TPR: variants seen among roughly 807,000 people sequenced by gnomAD.
The protein encoded by TPR is translocated promoter region, nuclear basket protein.
TPR carries 51 observed loss-of-function variants against 316.1 expected under a neutral mutation model. The observed-to-expected ratio is 0.16, with a 90% confidence interval of 0.13 to 0.20. The LOEUF is 0.20. TPR is among the 10% of genes least tolerant of loss of function. TPR has a pLI of 1.00. For missense variants in TPR, 2,272 were observed against 2,754.8 expected, an observed-to-expected ratio of 0.82 and a Z score of 3.92; for synonymous variants, 981 against 914.7, an observed-to-expected ratio of 1.07 and a Z score of -1.31.
intron 27 of TPR, 34 bp from the exon 28 acceptor site, chr1:186,341,423 C>G (rs757968568): frequency 6.3e-7 from 1 of 1,596,972 alleles, no homozygotes; most frequent in Non-Finnish European, 8.5e-7. Flanking sequence ...ATACCAACAT[C>G]TAACAATAGT....
At position 186,374,825 on chromosome 1, in the gene TPR, C is replaced by A. The variant is rs1005701478; in HGVS notation, c.151+53G>T. 7 of 1,549,510 alleles carry A rather than the reference C, an allele frequency of 4.5e-6. No individual in the cohort carries two copies. The African/African-American group carries it at 9.5e-5, about 21-fold the overall frequency. On this transcript the variant is annotated intron_variant, in intron 1 of 50. Coordinates refer to ENST00000367478, the MANE Select transcript of TPR (RefSeq NM_003292.3). ...CAACTTGATGGGGGAAGACCAGACCCAAAGGGCGGGAGTCGAGCCCAAAAC... is the reference window on the plus strand; with the variant it reads ...CAACTTGATGGGGGAAGACCAGACCAAAAGGGCGGGAGTCGAGCCCAAAAC...
chr1:186,351,494 G>A (rs1658860516), intron 19 of TPR, 24 bp from the exon 20 acceptor site: 1 of 1,525,518 alleles, frequency 6.6e-7, no homozygotes. Context: ...AAGATTTTTG[G>A]TTATGCTTAA....
intron 19 of TPR, 147 bp from the exon 20 acceptor site, chr1:186,351,617 G>T: frequency 5.9e-6 from 5 of 845,568 alleles, no homozygotes; most frequent in South Asian, 2.9e-5. Flanking sequence ...AAAGTATTCT[G>T]GTATTTTTTA....
rs1191323001 is a variant in TPR at position 186,358,664 on chromosome 1, A to G, written c.1390-14T>C. ...TCGCTGAATCTCCTTTAAAATGTAA[A>G]TTCAAGTGAAAATTTTGTACTTCCT... is the stretch of plus-strand genomic sequence containing the variant. On this transcript the variant is annotated splice_polypyrimidine_tract_variant and intron_variant, in intron 12 of 50. Coordinates refer to ENST00000367478, the MANE Select transcript of TPR (RefSeq NM_003292.3). 1 of 1,607,254 alleles carries G rather than the reference A, an allele frequency of 6.2e-7. No individual in the cohort carries two copies.
At chr1:186,353,574 C>A (rs1005405666) in intron 18 of TPR, 114 bp downstream of exon 18, 2 of 1,186,046 alleles carry the variant, frequency 1.7e-6, no homozygotes, top group Non-Finnish European at 2.4e-6. Context: ...CTTGGTGTAA[C>A]CTCCAAACTT....
chr1:186,373,325 C>T lies in TPR; in HGVS notation c.256+34G>A, dbSNP rs750080944. 5.5e-5 allele frequency: 84 copies of T among 1,515,362 alleles called. No homozygotes were observed. The East Asian group carries it at 1.7e-3, about 31-fold the overall frequency. 93.9% of individuals were successfully genotyped at this position (1,515,362 alleles called of 1,614,324 possible). On this transcript the variant is annotated intron_variant, in intron 2 of 50. Transcript: ENST00000367478. ...GGAGTCTCTGAAGATTTCGATACTC[C>T]GAGAATACTTACAAAGATGAATTAA...
intron 50 of TPR, 190 bp downstream of exon 50, chr1:186,314,439 A>G (rs749732278): frequency 2.5e-6 from 1 of 400,218 alleles, no homozygotes; most frequent in Non-Finnish European, 4.4e-6. Flanking sequence ...TATTTATTAT[A>G]TATCTAAGGT....
chr1:186,361,047 G>A (rs1659170722), intron 9 of TPR, 142 bp from the exon 10 acceptor site: 1 of 873,640 alleles, frequency 1.1e-6, no homozygotes, highest in Admixed American at 3.2e-5. Context: ...TCTATTGAAA[G>A]TTCTTGCTCT....
At position 186,318,425 on chromosome 1, in the gene TPR, AAAC is replaced by A; in HGVS notation, c.6821+19_6821+21del. The A allele has an allele frequency of 6.3e-7, 1 of 1,599,118 alleles. No individual in the cohort carries two copies. The highest frequency in any genetic ancestry group is 8.5e-7 in the Non-Finnish European group (1 of 1,174,246). Reference sequence around the variant, plus strand: ...AGTCTGTTGAGACTAAAGCAAGCAAAAACAACAAAATAAACTTTTACCCTTCAG... The same window carrying A: ...AGTCTGTTGAGACTAAAGCAAGCAAAAACAAAATAAACTTTTACCCTTCAG... On this transcript the variant is annotated intron_variant, in intron 48 of 50. Transcript: ENST00000367478.
chr1:186,344,173 G>A (rs544732417), intron 25 of TPR, 83 bp from the exon 26 acceptor site: 35 of 1,481,284 alleles, frequency 2.4e-5, no homozygotes, highest in African/African-American at 9.9e-5. Context: ...GGTGGCTAAC[G>A]CCTGTAATCC....
intron 18 of TPR, 49 bp downstream of exon 18, chr1:186,353,639 T>C: frequency 6.3e-7 from 1 of 1,576,744 alleles, no homozygotes; most frequent in Non-Finnish European, 8.6e-7. Flanking sequence ...ACTAAAGAAA[T>C]GTCAAATGCA....
In TPR at chr1:186,311,953, T is replaced by C. The variant is rs1054921794; in HGVS notation, c.*2018A>G. The C allele has an allele frequency of 5.4e-6, 3 of 556,760 alleles. No individual in the cohort carries two copies. The highest frequency in any genetic ancestry group is 3.7e-5 in the African/African-American group (2 of 53,428). 34.5% of individuals were successfully genotyped at this position (556,760 alleles called of 1,614,324 possible). ...CTTGTCACTTTCAATTGAAATTAAA[T>C]ATATAACTATGTAATTTGCTGCATC... On this transcript the variant is annotated 3_prime_UTR_variant, in exon 51 of 51. Coordinates refer to ENST00000367478, the MANE Select transcript of TPR (RefSeq NM_003292.3).
chr1:186,338,345 T>A, intron 30 of TPR, 102 bp from the exon 31 acceptor site: 1 of 997,924 alleles, frequency 1.0e-6, no homozygotes. Flanking sequence ...ATAACTTTTT[T>A]TTTTGAAAAT....
At position 186,341,257 on chromosome 1, in the gene TPR, C is replaced by G; in HGVS notation, c.3883G>C (p.Ala1295Pro). The G allele has an allele frequency of 1.2e-6, 2 of 1,613,696 alleles. No homozygotes were observed. Among genetic ancestry groups the G allele is most frequent in the Non-Finnish European group, 1.7e-6 (2 of 1,179,906 alleles). The change falls in exon 28 of 51, where the codon GCA becomes CCA. Residue 1295 changes from alanine (A) to proline (P), a missense_variant. Transcript: ENST00000367478. ...TTGATAACTAAGCAACAAACCTTTGCTTGCATTTGCTGTAGATCCTGTTCT... is the reference window on the plus strand; with the variant it reads ...TTGATAACTAAGCAACAAACCTTTGGTTGCATTTGCTGTAGATCCTGTTCT... ...RLEQDLQQMQAKVRKLELDIL... is the reference protein window; with the variant it reads ...RLEQDLQQMQPKVRKLELDIL...
chr1:186,357,245 A>G, intron 14 of TPR, 152 bp downstream of exon 14: 1 of 682,388 alleles, frequency 1.5e-6, no homozygotes, highest in Non-Finnish European at 2.5e-6. Context: ...ACATGGTCTC[A>G]CTATGTCGTC....
At chr1:186,352,239 T>C (rs1571626532) in intron 18 of TPR, 129 bp from the exon 19 acceptor site, 7 of 788,474 alleles carry the variant, frequency 8.9e-6, no homozygotes, top group African/African-American at 7.2e-5. Flanking sequence ...TATCTCCTCA[T>C]TGTATAAGGA....
chr1:186,346,763 T>C (rs1272015859), intron 22 of TPR, among the ~76,000 whole-genome samples: 1 of 152,112 alleles, frequency 6.6e-6, no homozygotes, highest in Non-Finnish European at 1.5e-5. Flanking sequence ...GATTATGACA[T>C]GTTAAAAAAA....
intron 39 of TPR, among the ~76,000 whole-genome samples, chr1:186,329,583 G>A (rs1658098334): frequency 6.6e-6 from 1 of 152,128 alleles, no homozygotes; most frequent in African/African-American, 2.4e-5. Flanking sequence ...TGTTTTGACT[G>A]TGGCCCATCA....
Position 186,326,431 on chromosome 1 carries a change from T to C in TPR, c.5890-196A>G, listed in dbSNP as rs189959495. Among the ~76,000 whole-genome samples the C allele has an allele frequency of 1.9e-3, 295 of 152,272 alleles. 1 individual carries two copies. Among genetic ancestry groups the C allele is most frequent in the African/African-American group, 6.5e-3 (272 of 41,564 alleles). ...CTTACTGGAATTAGTGCAATAATGA[T>C]CAATTCTGAATTCTAACTGTTTGCA... On this transcript the variant is annotated intron_variant, in intron 40 of 50. Transcript: ENST00000367478.
Sources: gnomAD v4.1 joint callset for allele counts (sites outside exome capture counted in the v4.1 genomes callset) on GRCh38, gnomAD v4.1.1 for gene constraint, MANE v1.5 for transcripts, NCBI Gene and HGNC (gene_info 2026-07-23, HGNC 2026-07-21) for gene names.